Variants in LRRC37B observed in about 807,000 individuals in gnomAD.
The protein encoded by LRRC37B is leucine rich repeat containing 37B.
A neutral mutation model predicts 98.3 loss-of-function variants in LRRC37B; 28 were observed. The observed-to-expected ratio is 0.28, with a 90% CI of 0.21 to 0.39. The LOEUF is 0.39. Ranked by LOEUF, LRRC37B falls within the 10% of genes least tolerant of loss-of-function variation. The pLI is 1.00. For synonymous variants in LRRC37B, 364 were observed against 442.7 expected, an observed-to-expected ratio of 0.82 and a Z score of 2.23; for missense variants, 938 against 1,182.7, an observed-to-expected ratio of 0.79 and a Z score of 3.03.
At chr17:32,023,415 G>T (rs957104113) in intron 1 of LRRC37B, among the ~76,000 whole-genome samples, 1 of 152,066 alleles carries the variant, frequency 6.6e-6, no homozygotes, top group Non-Finnish European at 1.5e-5. Flanking sequence ...GAGCCACCGC[G>T]CCTGGCCCGC....
chr17:32,015,417 A>G (rs1910628281), intron 1 of LRRC37B, among the ~76,000 whole-genome samples: 1 of 152,232 alleles, frequency 6.6e-6, no homozygotes, highest in Non-Finnish European at 1.5e-5. Flanking sequence ...ATTAGATTTT[A>G]TTAGTTCTGG....
exon 10 of LRRC37B, chr17:32,049,225 A>T (rs747742256): frequency 6.2e-7 from 1 of 1,613,954 alleles, no homozygotes; most frequent in Non-Finnish European, 8.5e-7. Context: ...ACACATGTGC[A>T]AGGGAGCTGT....
chr17:32,031,144 A>C (rs1487488817), intron 4 of LRRC37B, among the ~76,000 whole-genome samples: 4 of 152,098 alleles, frequency 2.6e-5, no homozygotes, highest in African/African-American at 9.7e-5. Flanking sequence ...GTTCTAGAGA[A>C]ATGAAGATCA....
Position 32,021,546 on chromosome 17 carries a change from G to A in LRRC37B, c.481G>A (p.Val161Met). 5 of 1,614,070 alleles carry A rather than the reference G, an allele frequency of 3.1e-6. 1 individual carries two copies. The highest frequency in any genetic ancestry group is 4.2e-6 in the Non-Finnish European group (5 of 1,180,044). Reference sequence around the variant, plus strand: ...GACTCCAGAAGAAAGGCTCCCAGAGGTGGTTCCGCTTCTCAACCGGGATCA... The same window carrying A: ...GACTCCAGAAGAAAGGCTCCCAGAGATGGTTCCGCTTCTCAACCGGGATCA... Residue 161 changes from valine to methionine, a missense_variant, in exon 1 of 12, where the codon GTG becomes ATG. By Grantham distance (21) the Val-to-Met change is conservative. Coordinates refer to ENST00000327564, the Ensembl canonical transcript of LRRC37B.
At chr17:32,035,677 G>C in intron 7 of LRRC37B, 38 bp downstream of exon 10, 1 of 1,547,046 alleles carries the variant, frequency 6.5e-7, no homozygotes. Context: ...TTACTTAGTT[G>C]GTTTTTTAGG....
exon 1 of LRRC37B, chr17:32,021,128 C>T (rs765814635): frequency 7.4e-6 from 12 of 1,614,176 alleles, no homozygotes; most frequent in Non-Finnish European, 9.3e-6. Flanking sequence ...TTGCTGAGTG[C>T]ATAGCACCAG....
intron 7 of LRRC37B, chr17:32,042,871 T>A (rs1911484645): frequency 6.6e-6 from 1 of 151,918 alleles, no homozygotes; most frequent in Non-Finnish European, 1.5e-5. Flanking sequence ...AAATGCAATG[T>A]CTGATGTTTG....
chr17:32,033,732 G>A (rs1487663702), intron 5 of LRRC37B, among the ~76,000 whole-genome samples: 1 of 152,086 alleles, frequency 6.6e-6, no homozygotes, highest in Non-Finnish European at 1.5e-5. Context: ...CCTAAAGCGT[G>A]ATTTTCTTTT....
rs1363209586 is a variant in LRRC37B, at chr17:32,045,905, G to A, written c.2323+87G>A. On this transcript the variant is annotated intron_variant, in intron 8 of 11. Transcript: ENST00000327564. Reference sequence around the variant, plus strand: ...TTATTTTTAATTGATGAAATTTTAAGCTGATGATATAATTGTTTTATTTAC... The same window carrying A: ...TTATTTTTAATTGATGAAATTTTAAACTGATGATATAATTGTTTTATTTAC... The A allele has an allele frequency of 3.7e-6, 5 of 1,367,556 alleles. No individual in the cohort carries two copies. The African/African-American group carries it at 5.8e-5, about 16-fold the overall frequency. 84.7% of individuals were successfully genotyped at this position (1,367,556 alleles called of 1,614,324 possible). A position where few individuals can be genotyped will look rare whatever the true frequency, so the allele number is the denominator to read the frequency against.
exon 1 of LRRC37B, chr17:32,022,499 T>A: frequency 2.5e-6 from 4 of 1,613,196 alleles, no homozygotes; most frequent in Non-Finnish European, 3.4e-6. Context: ...ACCCGGGGCT[T>A]GCCATAACTC....
intron 1 of LRRC37B, among the ~76,000 whole-genome samples, chr17:32,012,419 C>A (rs1487359127): frequency 6.6e-6 from 1 of 152,144 alleles, no homozygotes; most frequent in Admixed American, 6.6e-5. Context: ...AATCATTATA[C>A]TAAAAACCAT....
At chr17:32,016,347 T>G (rs772987143), upstream of LRRC37B, among the ~76,000 whole-genome samples, 4 of 152,186 alleles carry the variant, frequency 2.6e-5, no homozygotes, top group Non-Finnish European at 4.4e-5. Flanking sequence ...ATTGACAAAT[T>G]TTGGTCTTTG....
At chr17:32,040,685 G>A (rs1223741971) in intron 7 of LRRC37B, 9 of 779,624 alleles carry the variant, frequency 1.2e-5, no homozygotes, top group African/African-American at 3.4e-5. Flanking sequence ...CCGGCTACCC[G>A]CAGTTGGAGG....
intron 1 of LRRC37B, among the ~76,000 whole-genome samples, chr17:32,012,454 C>T (rs569724259): frequency 1.4e-4 from 21 of 152,324 alleles, no homozygotes; most frequent in Non-Finnish European, 2.6e-4. Context: ...TGGTGGCTCA[C>T]GCCTGTAATC....
intron 1 of LRRC37B, among the ~76,000 whole-genome samples, chr17:32,009,120 T>C (rs1910473689): frequency 6.6e-6 from 1 of 152,172 alleles, no homozygotes; most frequent in Non-Finnish European, 1.5e-5. Context: ...GTTGGTTTTT[T>C]TTTTAGCCAC....
chr17:32,039,479 A>AT (rs1911346507), intron 7 of LRRC37B, among the ~76,000 whole-genome samples: 2 of 38,852 alleles, frequency 5.1e-5, no homozygotes, highest in African/African-American at 1.0e-4. Flanking sequence ...CCTGCCTAAA[A>AT]ATATATATAT....
At chr17:32,022,783 C>T (rs1332651237) in exon 1 of LRRC37B, 2 of 1,613,992 alleles carry the variant, frequency 1.2e-6, no homozygotes, top group Non-Finnish European at 1.7e-6. Flanking sequence ...CGCCAAGTGC[C>T]TGTGCCAGAG....
At chr17:32,039,601 T>TTA (rs200331701) in intron 7 of LRRC37B, among the ~76,000 whole-genome samples, 1,411 of 133,200 alleles carry the variant, frequency 0.011, 33 homozygotes, top group African/African-American at 0.036. Context: ...TTTATATATA[T>TTA]TATATATATA....
intron 7 of LRRC37B, chr17:32,040,752 T>G (rs1911402294): frequency 1.2e-6 from 1 of 816,546 alleles, no homozygotes; most frequent in Admixed American, 1.7e-5. Flanking sequence ...CGAGTCCAAC[T>G]TCAGTGACGC....
Sources: gnomAD v4.1 joint callset for allele counts (sites outside exome capture counted in the v4.1 genomes callset) on GRCh38, gnomAD v4.1.1 for gene constraint, MANE v1.5 for transcripts, NCBI Gene and HGNC (gene_info 2026-07-23, HGNC 2026-07-21) for gene names.